Variants in DLGAP1 observed in about 807,000 individuals in gnomAD.
The protein encoded by DLGAP1 is DLG associated protein 1, also known as disks large-associated protein 1.
A neutral mutation model predicts 90.8 loss-of-function variants in DLGAP1; 11 were observed. The observed-to-expected ratio is 0.12, with a 90% CI of 0.08 to 0.20. The LOEUF (loss-of-function observed/expected upper bound fraction) is 0.20, where lower values mean the gene tolerates loss of function less well. DLGAP1 is among the 10% of genes least tolerant of loss of function. DLGAP1 has a pLI of 1.00. For synonymous variants in DLGAP1, 558 were observed against 540.7 expected (o/e 1.03, Z -0.44); for missense variants, 1,050 against 1,333.8 (o/e 0.79, Z 3.31).
chr18:4,111,778 G>A (rs1373688739), intron 2 of DLGAP1, among the ~76,000 whole-genome samples: 1 of 151,788 alleles, frequency 6.6e-6, no homozygotes, highest in Non-Finnish European at 1.5e-5. Flanking sequence ...AAGATGGGTA[G>A]TGCTGTTCAC....
intron 3 of DLGAP1, among the ~76,000 whole-genome samples, chr18:3,892,926 T>C (rs1013899622): frequency 1.0e-4 from 15 of 148,484 alleles, no homozygotes; most frequent in Admixed American, 8.8e-4. Context: ...ATATATATAA[T>C]TTTTTATAGG....
At chr18:4,433,593 A>T (rs1248772245) in intron 1 of DLGAP1, among the ~76,000 whole-genome samples, 1 of 152,190 alleles carries the variant, frequency 6.6e-6, no homozygotes, top group African/African-American at 2.4e-5. Context: ...AGCTGCCCTC[A>T]TGGACCTCAC....
chr18:3,561,302 G>A (rs1599247206), intron 9 of DLGAP1, among the ~76,000 whole-genome samples: 1 of 147,776 alleles, frequency 6.8e-6, no homozygotes, highest in Admixed American at 6.7e-5. Context: ...AGCCAGATGT[G>A]GCAGGTGCCT....
chr18:3,752,466 T>C (rs1598594562), intron 5 of DLGAP1, among the ~76,000 whole-genome samples: 1 of 152,106 alleles, frequency 6.6e-6, no homozygotes, highest in South Asian at 2.1e-4. Context: ...CTTTGGTATC[T>C]GTCTTCTTTA....
intron 1 of DLGAP1, among the ~76,000 whole-genome samples, chr18:4,422,812 A>C (rs1329983669): frequency 6.6e-6 from 1 of 152,124 alleles, no homozygotes; most frequent in Non-Finnish European, 1.5e-5. Flanking sequence ...ATTTAAGAAA[A>C]AGCGAGCCTA....
intron 9 of DLGAP1, among the ~76,000 whole-genome samples, chr18:3,557,503 CAG>C (rs1367193921): frequency 6.6e-6 from 1 of 151,530 alleles, no homozygotes; most frequent in Non-Finnish European, 1.5e-5. Context: ...GCCTGGGTGA[CAG>C]AGTGAGATTT....
At chr18:3,572,297 C>G (rs1371449800) in intron 8 of DLGAP1, among the ~76,000 whole-genome samples, 1 of 151,974 alleles carries the variant, frequency 6.6e-6, no homozygotes, top group Admixed American at 6.6e-5. Context: ...TCATTTCTTG[C>G]TTTGTGTCTT....
At chr18:3,827,694 A>C (rs1194426566) in intron 4 of DLGAP1, among the ~76,000 whole-genome samples, 1 of 152,234 alleles carries the variant, frequency 6.6e-6, no homozygotes, top group Non-Finnish European at 1.5e-5. Flanking sequence ...GCACGTATAC[A>C]AGTGAAAGAC....
chr18:4,378,698 G>C lies in DLGAP1; in HGVS notation c.-267+76308C>G, dbSNP rs2082062814. On this transcript the variant is annotated intron_variant, in intron 1 of 12. Transcript: ENST00000315677. This position sits in a 1 kb window ranked among gnomAD's most constrained non-coding sequence, Gnocchi z 4.5. ...ATCAGGGTAGGTATCTTGTCCTCTT[G>C]AGAACTTTAACTTACTACTTAATCT... is the stretch of plus-strand genomic sequence containing the variant. Among the ~76,000 whole-genome samples the C allele has an allele frequency of 6.6e-6, 1 of 152,088 alleles. No homozygotes were observed. The highest frequency in any genetic ancestry group is 1.5e-5 in the Non-Finnish European group (1 of 68,014).
chr18:4,408,699 T>G (rs2082714595), intron 1 of DLGAP1, among the ~76,000 whole-genome samples: 1 of 151,906 alleles, frequency 6.6e-6, no homozygotes, highest in Admixed American at 6.6e-5. Flanking sequence ...TGCGAAAAAT[T>G]CAGTCTCACT....
intron 1 of DLGAP1, among the ~76,000 whole-genome samples, chr18:4,303,636 C>T (rs1311499207): frequency 2.0e-5 from 3 of 152,200 alleles, no homozygotes; most frequent in African/African-American, 7.2e-5. Context: ...AAGGCTGGGA[C>T]TCCTCCCTAA....
chr18:3,825,470 C>A (rs1699639307), intron 4 of DLGAP1, among the ~76,000 whole-genome samples: 1 of 152,200 alleles, frequency 6.6e-6, no homozygotes, highest in Admixed American at 6.5e-5. Context: ...TCTCTACATT[C>A]CTTGTAATAC....
intron 4 of DLGAP1, among the ~76,000 whole-genome samples, chr18:3,825,693 C>T (rs1056057477): frequency 2.0e-5 from 3 of 152,082 alleles, no homozygotes; most frequent in Non-Finnish European, 4.4e-5. Context: ...GGGGATACCG[C>T]AATTCACAGG....
At chr18:4,315,559 T>C (rs1226631328) in intron 1 of DLGAP1, among the ~76,000 whole-genome samples, 1 of 152,234 alleles carries the variant, frequency 6.6e-6, no homozygotes, top group Admixed American at 6.5e-5. Flanking sequence ...ATCTTTTAAG[T>C]ATTATACATT....
intron 1 of DLGAP1, among the ~76,000 whole-genome samples, chr18:4,287,896 GA>G (rs939660604): frequency 3.3e-5 from 5 of 149,532 alleles, no homozygotes; most frequent in South Asian, 2.1e-4. Context: ...ATTTTAAAAA[GA>G]AAAAAAAAGA....
In DLGAP1 at chr18:4,307,538, C is replaced by T. The variant is rs138689977; in HGVS notation, c.-267+147468G>A. 4.6e-5 allele frequency among the ~76,000 whole-genome samples: 7 copies of T among 152,136 alleles called. No homozygotes were observed. The East Asian group carries it at 9.7e-4, about 21-fold the overall frequency. On this transcript the variant is annotated intron_variant, in intron 1 of 12. Coordinates refer to ENST00000315677, the MANE Select transcript of DLGAP1 (RefSeq NM_004746.4). ...CATAAATTATTTCATGTATATGCAACAATACTCCAGTGTAATATGATCTCT... is the reference window on the plus strand; with the variant it reads ...CATAAATTATTTCATGTATATGCAATAATACTCCAGTGTAATATGATCTCT...
At chr18:4,399,358 G>C (rs2144511529) in intron 1 of DLGAP1, among the ~76,000 whole-genome samples, 1 of 152,196 alleles carries the variant, frequency 6.6e-6, no homozygotes, top group Admixed American at 6.5e-5. Context: ...TAGTGTTTCA[G>C]GGTCTATTTA....
intron 8 of DLGAP1, 111 bp downstream of exon 8, chr18:3,581,764 A>C: frequency 7.1e-7 from 1 of 1,407,358 alleles, no homozygotes; most frequent in Non-Finnish European, 9.7e-7. Flanking sequence ...GGTCCTATGC[A>C]TAGATCTATG....
At chr18:3,859,525 G>A (rs186157148) in intron 4 of DLGAP1, among the ~76,000 whole-genome samples, 1 of 152,234 alleles carries the variant, frequency 6.6e-6, no homozygotes, top group East Asian at 1.9e-4. Flanking sequence ...AGATTGTCGT[G>A]CATTATCAAG....
Sources: gnomAD v4.1 joint callset for allele counts (sites outside exome capture counted in the v4.1 genomes callset) on GRCh38, gnomAD v4.1.1 for gene constraint, Gnocchi (gnomAD v3.1) non-coding constraint, MANE v1.5 for transcripts, NCBI Gene and HGNC (gene_info 2026-07-23, HGNC 2026-07-21) for gene names.